PARD3B: variants seen among roughly 807,000 people sequenced by gnomAD.
PARD3B encodes par-3 family cell polarity regulator beta, also known as partitioning defective 3 homolog B.
In PARD3B, 103 loss-of-function variants were observed where a neutral mutation model predicts 130.2. That is an observed-to-expected ratio of 0.79 (90% CI 0.67 to 0.93). PARD3B has a LOEUF of 0.93. Ranked by LOEUF, PARD3B falls within the 40% of genes least tolerant of loss-of-function variation. The probability of loss-of-function intolerance (pLI) is 0.00; values close to 1 mark genes in which losing one functional copy is unlikely to be tolerated. For synonymous variants in PARD3B, 583 were observed against 553.2 expected (o/e 1.05, Z -0.76); for missense variants, 1,609 against 1,499.2 (o/e 1.07, Z -1.21).
chr2:204,847,402 C>T (rs1254339575), intron 2 of PARD3B, among the ~76,000 whole-genome samples: 1 of 152,094 alleles, frequency 6.6e-6, no homozygotes, highest in Non-Finnish European at 1.5e-5. Flanking sequence ...GAGAGTTTAA[C>T]ATGGCATAAT....
chr2:205,310,950 C>T (rs1277663348), intron 18 of PARD3B, among the ~76,000 whole-genome samples: 1 of 152,000 alleles, frequency 6.6e-6, no homozygotes, highest in Non-Finnish European at 1.5e-5. Flanking sequence ...TTTCAAATTC[C>T]TGACCTCGTG....
chr2:205,506,747 C>G (rs980790409), intron 21 of PARD3B, among the ~76,000 whole-genome samples: 1 of 152,154 alleles, frequency 6.6e-6, no homozygotes, highest in Non-Finnish European at 1.5e-5. Context: ...CTTGTCTCCT[C>G]CTTAAAAGCA....
At chr2:205,154,186 A>T (rs1045738535) in intron 10 of PARD3B, among the ~76,000 whole-genome samples, 3 of 151,626 alleles carry the variant, frequency 2.0e-5, no homozygotes, top group African/African-American at 7.3e-5. Flanking sequence ...CAAAGAACTT[A>T]AACTAATTTA....
intron 3 of PARD3B, among the ~76,000 whole-genome samples, chr2:204,993,196 T>G (rs201092286): frequency 0.36 from 32,993 of 90,778 alleles, 5,984 homozygotes; most frequent in Admixed American, 0.49. Flanking sequence ...GCCCATTCAG[T>G]ATGATATTGG....
chr2:205,513,335 T>G (rs1272164638), intron 21 of PARD3B, among the ~76,000 whole-genome samples: 1 of 152,074 alleles, frequency 6.6e-6, no homozygotes, highest in Non-Finnish European at 1.5e-5. Context: ...CTCCTTTCTA[T>G]GTATGGATAT....
Position 205,562,130 on chromosome 2 carries a change from T to A in PARD3B, c.3260+8727T>A, listed in dbSNP as rs3732090. 0.55 allele frequency among the ~76,000 whole-genome samples: 84,255 copies of A among 152,080 alleles called. 24,057 individuals are homozygous for A. Among genetic ancestry groups the A allele is most frequent in the Middle Eastern group, 0.74 (217 of 294 alleles). ...ACTTTAAGATGCCAAACAGCTGAGA[T>A]CAGGGGGTTAATGCTACTGCCACCT... On this transcript the variant is annotated intron_variant, in intron 22 of 22. Coordinates refer to ENST00000406610, the MANE Select transcript of PARD3B (RefSeq NM_001302769.2). This position sits in a 1 kb window ranked among gnomAD's most constrained non-coding sequence, Gnocchi z 5.4.
At chr2:205,606,426 G>A (rs962727022) in intron 22 of PARD3B, among the ~76,000 whole-genome samples, 1 of 152,114 alleles carries the variant, frequency 6.6e-6, no homozygotes, top group Non-Finnish European at 1.5e-5. Context: ...CTCTCCATGG[G>A]TCATGCCACC....
chr2:205,583,375 C>CTGTGTGTG (rs1553553093), intron 22 of PARD3B, among the ~76,000 whole-genome samples: 17 of 23,434 alleles, frequency 7.3e-4, no homozygotes, highest in South Asian at 5.5e-3. Context: ...TCCTCCTAAG[C>CTGTGTGTG]TCTGTGTGTG....
chr2:204,993,991 T>C (rs1438675058), intron 3 of PARD3B, among the ~76,000 whole-genome samples: 4 of 151,810 alleles, frequency 2.6e-5, no homozygotes, highest in Admixed American at 6.6e-5. Context: ...TTAGTCTTGC[T>C]AGCGGTCTAT....
intron 2 of PARD3B, among the ~76,000 whole-genome samples, chr2:204,700,841 T>C (rs1461328442): frequency 2.0e-5 from 3 of 152,098 alleles, no homozygotes; most frequent in Admixed American, 6.6e-5. Context: ...TGTTTGTTTT[T>C]TCCTTTGTTT....
intron 2 of PARD3B, among the ~76,000 whole-genome samples, chr2:204,911,388 C>T (rs569770024): frequency 1.9e-4 from 29 of 152,310 alleles, no homozygotes; most frequent in South Asian, 4.2e-4. Context: ...GTGGTGTTCA[C>T]CTGACTAACA....
rs1338590864 is a variant in PARD3B, at chr2:205,136,441, A to G, written c.1434+10704A>G. ...AGTGATGGCAGTAGAATAGAGAAAG[A>G]TATCAGCTCTGAGAACAGCAAAGCT... On this transcript the variant is annotated intron_variant, in intron 10 of 22. Transcript: ENST00000406610. Among the ~76,000 whole-genome samples the G allele has an allele frequency of 7.2e-5, 11 of 152,372 alleles. No homozygotes were observed. The East Asian group carries it at 2.1e-3, about 29-fold the overall frequency.
intron 1 of PARD3B, among the ~76,000 whole-genome samples, chr2:204,584,218 G>A (rs1177645054): frequency 6.6e-6 from 1 of 152,160 alleles, no homozygotes; most frequent in Admixed American, 6.5e-5. Flanking sequence ...GATGGAGATG[G>A]GGCAATAGGG....
intron 2 of PARD3B, among the ~76,000 whole-genome samples, chr2:204,702,710 G>T (rs1377452686): frequency 1.3e-5 from 2 of 152,034 alleles, no homozygotes; most frequent in Non-Finnish European, 2.9e-5. Context: ...AAGTAGCTGG[G>T]ATTACAGGCA....
In PARD3B at chr2:204,734,699, C is replaced by T. The variant is rs1298256952; in HGVS notation, c.222+48417C>T. The stretch of plus-strand genomic sequence containing the variant: ...TCCATTAAATGAAATTCTTAAAGAG[C>T]AAAACTGTAATGATACAAATTAGAT... On this transcript the variant is annotated intron_variant, in intron 2 of 22. Transcript: ENST00000406610. Among the ~76,000 whole-genome samples the T allele has an allele frequency of 2.0e-5, 3 of 152,182 alleles. No individual in the cohort carries two copies. The East Asian group carries it at 5.8e-4, about 29-fold the overall frequency.
chr2:204,614,200 C>A (rs1484585625), intron 1 of PARD3B, among the ~76,000 whole-genome samples: 1 of 152,042 alleles, frequency 6.6e-6, no homozygotes, highest in Non-Finnish European at 1.5e-5. Context: ...GCTACATATG[C>A]AATTTAAAAG....
intron 21 of PARD3B, among the ~76,000 whole-genome samples, chr2:205,508,199 T>TTA (rs1473575308): frequency 6.6e-6 from 1 of 152,218 alleles, no homozygotes; most frequent in Non-Finnish European, 1.5e-5. Context: ...TCTTCATGGA[T>TTA]TATTGTCTTG....
intron 2 of PARD3B, among the ~76,000 whole-genome samples, chr2:204,760,695 A>G (rs1012338872): frequency 1.3e-5 from 2 of 152,110 alleles, no homozygotes; most frequent in African/African-American, 4.8e-5. Flanking sequence ...GGAAAGCTCT[A>G]TGTTCTTTAG....
chr2:204,864,655 C>T (rs889277982), intron 2 of PARD3B, among the ~76,000 whole-genome samples: 3 of 152,130 alleles, frequency 2.0e-5, no homozygotes, highest in Non-Finnish European at 2.9e-5. Flanking sequence ...TCCTGGCATT[C>T]GTTACTATCT....
Sources: allele counts gnomAD v4.1 joint callset (sites outside exome capture counted in the v4.1 genomes callset), GRCh38; gene constraint gnomAD v4.1.1; non-coding constraint Gnocchi (gnomAD v3.1); transcripts MANE v1.5; gene names NCBI Gene and HGNC (gene_info 2026-07-23, HGNC 2026-07-21).